The following MRPS14 variants were observed in gnomAD, a reference collection of about 807,000 sequenced individuals.
The protein encoded by MRPS14 is small ribosomal subunit protein uS14m.
Under a neutral mutation model 16.4 loss-of-function variants are expected in MRPS14, and 14 were observed. The observed-to-expected ratio is 0.85, with a 90% CI of 0.56 to 1.33. The LOEUF (loss-of-function observed/expected upper bound fraction) is 1.33, where lower values mean the gene tolerates loss of function less well. Among genes scored for constraint, MRPS14 ranks in the 40% most tolerant of loss-of-function variants. The pLI, the probability that MRPS14 is intolerant of heterozygous loss-of-function variation, is 0.00. For missense variants in MRPS14, 162 were observed against 176.8 expected (o/e 0.92, Z 0.48); for synonymous variants, 54 against 61.9 (o/e 0.87, Z 0.60).
chr1:175,017,998 CCT>C (rs1441629210), intron 2 of MRPS14, among the ~76,000 whole-genome samples: 4 of 152,064 alleles, frequency 2.6e-5, no homozygotes, highest in African/African-American at 9.7e-5. Flanking sequence ...GTGGCATGTG[CCT>C]GTAATCCCAG....
chr1:175,014,303 A>C lies in MRPS14; in HGVS notation c.*366T>G. The stretch of plus-strand genomic sequence containing the variant: ...GCCATACATGAGCTACATGTCAATT[A>C]GTTGGATTATGTATAAGATAGCATT... On this transcript the variant is annotated 3_prime_UTR_variant, in exon 3 of 3. Coordinates refer to ENST00000476371, the MANE Select transcript of MRPS14 (RefSeq NM_022100.3). The C allele has an allele frequency of 2.8e-6, 1 of 358,112 alleles. No homozygotes were observed. The highest frequency in any genetic ancestry group is 5.0e-6 in the Non-Finnish European group (1 of 201,926). 22.2% of individuals were successfully genotyped at this position (358,112 alleles called of 1,614,324 possible).
chr1:175,016,520 T>A (rs1397251238), intron 2 of MRPS14, among the ~76,000 whole-genome samples: 2 of 152,300 alleles, frequency 1.3e-5, no homozygotes, highest in African/African-American at 4.8e-5. Flanking sequence ...TGTAAGCTAC[T>A]TGGCAGGCAG....
Position 175,018,439 on chromosome 1 carries a change from G to T in MRPS14, c.183C>A (p.Thr61=). Residue 61 remains threonine, a synonymous_variant, in exon 2 of 3, where the codon ACC becomes ACA. Coordinates refer to ENST00000476371, the MANE Select transcript of MRPS14 (RefSeq NM_022100.3). The part of the protein sequence containing the change: ...RLRINSLRKN[T]ILPKILQDVA... ...TAACCTGAAGAATTTTTGGCAAAAT[G>T]GTATTCTTCCTGAGTGAATTAATAC... 1.3e-6 allele frequency: 2 copies of T among 1,599,438 alleles called. No homozygotes were observed. Among genetic ancestry groups the T allele is most frequent in the Non-Finnish European group, 1.7e-6 (2 of 1,175,884 alleles).
rs745940097 is a variant in MRPS14, at chr1:175,013,330, T to C, written c.*1339A>G. 6.6e-6 allele frequency: 1 copy of C among 152,200 alleles called. No homozygotes were observed. The highest frequency in any genetic ancestry group is 1.5e-5 in the Non-Finnish European group (1 of 68,030). The allele number at this position is 152,200 out of a possible 1,614,324, so 9.4% of individuals were successfully genotyped here. A position where few individuals can be genotyped will look rare whatever the true frequency, so the allele number is the denominator to read the frequency against. Reference sequence around the variant, plus strand: ...CTTCTGTTTCCCCTAAATTTGTTCTTTTTCCAAATTTTCTATCTTGGAGTT... The same window carrying C: ...CTTCTGTTTCCCCTAAATTTGTTCTCTTTCCAAATTTTCTATCTTGGAGTT... On this transcript the variant is annotated 3_prime_UTR_variant, in exon 3 of 3. Coordinates refer to ENST00000476371, the MANE Select transcript of MRPS14 (RefSeq NM_022100.3).
intron 1 of MRPS14, among the ~76,000 whole-genome samples, chr1:175,021,537 A>G (rs758062148): frequency 4.6e-5 from 7 of 152,276 alleles, no homozygotes; most frequent in Middle Eastern, 3.4e-3. Context: ...TAACACCCCA[A>G]TAACAATCCT....
At chr1:175,019,110 T>G (rs949955182) in intron 1 of MRPS14, among the ~76,000 whole-genome samples, 10 of 152,166 alleles carry the variant, frequency 6.6e-5, no homozygotes, top group Non-Finnish European at 1.3e-4. Flanking sequence ...GTAAAAAGCT[T>G]CCCCATTTTC....
intron 2 of MRPS14, among the ~76,000 whole-genome samples, chr1:175,015,514 T>C (rs1672865458): frequency 2.0e-5 from 3 of 152,106 alleles, no homozygotes; most frequent in Non-Finnish European, 1.5e-5. Context: ...CATGGAGCCC[T>C]GATGTCTATG....
At chr1:175,022,876 C>T (rs918239451) in intron 1 of MRPS14, among the ~76,000 whole-genome samples, 3 of 152,140 alleles carry the variant, frequency 2.0e-5, no homozygotes, top group African/African-American at 2.4e-5. Context: ...TCCCAACAAC[C>T]TTCACACTGC....
In MRPS14 at chr1:175,014,598, TA is replaced by T; in HGVS notation, c.*70del. Reference sequence around the variant, plus strand: ...CTGTAGAGATTAGGGTTTGGTCTATTAAAAAAAATCTTTGCTTGCTGGAACT... The same window carrying T: ...CTGTAGAGATTAGGGTTTGGTCTATTAAAAAAATCTTTGCTTGCTGGAACT... On this transcript the variant is annotated 3_prime_UTR_variant, in exon 3 of 3. Transcript: ENST00000476371. 5.3e-6 allele frequency: 8 copies of T among 1,506,180 alleles called. No individual in the cohort carries two copies. The highest frequency in any genetic ancestry group is 1.3e-5 in the South Asian group (1 of 76,984). The allele number at this position is 1,506,180 out of a possible 1,614,324, so 93.3% of individuals were successfully genotyped here.
At chr1:175,019,625 G>C (rs1288219505) in intron 1 of MRPS14, among the ~76,000 whole-genome samples, 1 of 152,128 alleles carries the variant, frequency 6.6e-6, no homozygotes, top group African/African-American at 2.4e-5. Flanking sequence ...AAAACTGCTA[G>C]GTCAAAGGGT....
intron 2 of MRPS14, among the ~76,000 whole-genome samples, chr1:175,017,742 G>A (rs996974376): frequency 6.6e-6 from 1 of 152,170 alleles, no homozygotes; most frequent in Non-Finnish European, 1.5e-5. Flanking sequence ...GACAGGCTCA[G>A]AATGGTGCTA....
At position 175,020,343 on chromosome 1, in the gene MRPS14, T is replaced by C. The variant is rs184644089; in HGVS notation, c.46-1767A>G. ...GTGAGGTTTGCTTTTACCTGTGAAATTGAGGGTACAGGAGATTTAGAAAAC... is the reference window on the plus strand; with the variant it reads ...GTGAGGTTTGCTTTTACCTGTGAAACTGAGGGTACAGGAGATTTAGAAAAC... On this transcript the variant is annotated intron_variant, in intron 1 of 2. Transcript: ENST00000476371. Among the ~76,000 whole-genome samples, 41 of 152,328 alleles carry C rather than the reference T, an allele frequency of 2.7e-4. 1 individual carries two copies. The East Asian group carries it at 7.7e-3, about 29-fold the overall frequency.
At chr1:175,022,180 GAA>G (rs1391194548) in intron 1 of MRPS14, among the ~76,000 whole-genome samples, 1 of 151,050 alleles carries the variant, frequency 6.6e-6, no homozygotes, top group Non-Finnish European at 1.5e-5. Flanking sequence ...AATCTAGTAT[GAA>G]AAAAAAGAAT....
chr1:175,017,077 C>G (rs1436943055), intron 2 of MRPS14, among the ~76,000 whole-genome samples: 1 of 151,200 alleles, frequency 6.6e-6, no homozygotes, highest in African/African-American at 2.4e-5. Context: ...TGTTTTGAGA[C>G]ACAGTCTTGC....
intron 2 of MRPS14, among the ~76,000 whole-genome samples, chr1:175,015,913 G>C (rs1164382305): frequency 6.6e-6 from 1 of 152,152 alleles, no homozygotes; most frequent in African/African-American, 2.4e-5. Context: ...AAAACAACAT[G>C]ATTGCCAGGC....
At chr1:175,022,943 T>G (rs146592787) in intron 1 of MRPS14, among the ~76,000 whole-genome samples, 2 of 152,042 alleles carry the variant, frequency 1.3e-5, no homozygotes, top group Admixed American at 1.3e-4. Flanking sequence ...TTGAGCAGAG[T>G]TGCCCACTCC....
chr1:175,018,560 G>C lies in MRPS14; in HGVS notation c.62C>G (p.Ala21Gly). The change falls in exon 2 of 3, where the codon GCT (alanine) becomes GGT (glycine). Residue 21 changes from alanine (A) to glycine (G), a missense_variant. Ala to Gly is a moderately conservative substitution (Grantham distance 60). Coordinates refer to ENST00000476371, the MANE Select transcript of MRPS14 (RefSeq NM_022100.3). ...RTFKQMVPSSASGQVRSHYVD... is the reference protein window; with the variant it reads ...RTFKQMVPSSGSGQVRSHYVD... ...ATAGTGACTTCGAACTTGGCCTGAAGCTGATGAAGGAACCATCTGAAAGAC... is the reference window on the plus strand; with the variant it reads ...ATAGTGACTTCGAACTTGGCCTGAACCTGATGAAGGAACCATCTGAAAGAC... 6.3e-7 allele frequency: 1 copy of C among 1,597,816 alleles called. No homozygotes were observed. Among genetic ancestry groups the C allele is most frequent in the South Asian group, 1.1e-5 (1 of 87,742 alleles).
At chr1:175,016,859 G>C (rs1374407119) in intron 2 of MRPS14, among the ~76,000 whole-genome samples, 1 of 152,090 alleles carries the variant, frequency 6.6e-6, no homozygotes, top group African/African-American at 2.4e-5. Context: ...CAGTACTATT[G>C]ACTATAGTTA....
chr1:175,016,738 T>G (rs1003117325), intron 2 of MRPS14, among the ~76,000 whole-genome samples: 1 of 152,218 alleles, frequency 6.6e-6, no homozygotes, highest in African/African-American at 2.4e-5. Context: ...TGTGAAATGA[T>G]TACCACAATG....
Sources: gnomAD v4.1 joint callset for allele counts (sites outside exome capture counted in the v4.1 genomes callset) on GRCh38, gnomAD v4.1.1 for gene constraint, MANE v1.5 for transcripts, NCBI Gene and HGNC (gene_info 2026-07-23, HGNC 2026-07-21) for gene names.